The following PYROXD1 variants were observed in gnomAD, a reference collection of about 807,000 sequenced individuals.
PYROXD1 encodes the protein pyridine nucleotide-disulphide oxidoreductase domain 1.
A neutral mutation model predicts 62.0 loss-of-function variants in PYROXD1; 42 were observed. That is an observed-to-expected ratio of 0.68 (90% confidence interval 0.53 to 0.88). The LOEUF is 0.88. Ranked by LOEUF, PYROXD1 falls within the 40% of genes least tolerant of loss-of-function variation. PYROXD1 has a pLI of 0.00. For missense variants in PYROXD1, 493 were observed against 604.8 expected, an observed-to-expected ratio of 0.82 and a Z score of 1.94; for synonymous variants, 170 against 206.4, an observed-to-expected ratio of 0.82 and a Z score of 1.51.
intron 7 of PYROXD1, among the ~76,000 whole-genome samples, chr12:21,460,460 G>A (rs1458888467): frequency 1.4e-5 from 2 of 147,140 alleles, no homozygotes; most frequent in Non-Finnish European, 3.0e-5. Context: ...GTCTCGCTCT[G>A]TCACCCAAGC....
chr12:21,438,539 G>A lies in PYROXD1; in HGVS notation c.84+725G>A, dbSNP rs367749384. On this transcript the variant is annotated intron_variant, in intron 1 of 11. Coordinates refer to ENST00000240651, the MANE Select transcript of PYROXD1 (RefSeq NM_024854.5). The stretch of plus-strand genomic sequence containing the variant: ...AACTAATTAATAAAGAATCCCATAT[G>A]TAAGTTTTCTATACTTCGAACTCCC... 14 of 152,284 alleles carry A rather than the reference G, an allele frequency of 9.2e-5. No individual in the cohort carries two copies. The East Asian group carries it at 1.9e-3, about 21-fold the overall frequency. The allele number at this position is 152,284 out of a possible 1,614,324, so 9.4% of individuals were successfully genotyped here. A position where few individuals can be genotyped will look rare whatever the true frequency, so the allele number is the denominator to read the frequency against.
chr12:21,469,217 C>T lies in PYROXD1; in HGVS notation c.*463C>T, dbSNP rs767888250. 1.6e-4 allele frequency: 26 copies of T among 157,710 alleles called. No homozygotes were observed. The highest frequency in any genetic ancestry group is 3.6e-4 in the Non-Finnish European group (26 of 71,812). 9.8% of individuals were successfully genotyped at this position (157,710 alleles called of 1,614,324 possible). A position where few individuals can be genotyped will look rare whatever the true frequency, so the allele number is the denominator to read the frequency against. ...TGCTAATATTTATATTGATGACTTA[C>T]TCCTTTTTTGTTGAATTGTACTTCT... On this transcript the variant is annotated 3_prime_UTR_variant, in exon 12 of 12. Coordinates refer to ENST00000240651, the MANE Select transcript of PYROXD1 (RefSeq NM_024854.5).
intron 5 of PYROXD1, among the ~76,000 whole-genome samples, chr12:21,453,751 C>CTTGTAATAACT (rs1217833037): frequency 6.6e-6 from 1 of 151,960 alleles, no homozygotes; most frequent in African/African-American, 2.4e-5. Flanking sequence ...CTTGTGGTTA[C>CTTGTAATAACT]TTGTAATAAC....
rs147724280 is a variant in PYROXD1 at position 21,468,330 on chromosome 12, T to C, written c.1255-176T>C. Among the ~76,000 whole-genome samples the C allele has an allele frequency of 3.4e-3, 520 of 152,228 alleles. 3 individuals carry two copies. Among genetic ancestry groups the C allele is most frequent in the African/African-American group, 0.012 (491 of 41,556 alleles). On this transcript the variant is annotated intron_variant, in intron 11 of 11. Transcript: ENST00000240651. The stretch of plus-strand genomic sequence containing the variant: ...GTAGAGTGTGTGATAGTGTCATCTG[T>C]AGAATTAACGCATGCTGTTGAAACA...
chr12:21,456,798 A>T (rs1942605401), intron 7 of PYROXD1: 1 of 424,068 alleles, frequency 2.4e-6, no homozygotes, highest in African/African-American at 2.1e-5. Context: ...TTCAAAAGTC[A>T]ATTCTCTCAA....
At chr12:21,458,671 C>T (rs117333556) in intron 7 of PYROXD1, among the ~76,000 whole-genome samples, 38 of 152,254 alleles carry the variant, frequency 2.5e-4, no homozygotes, top group Non-Finnish European at 4.7e-4. Context: ...ATTCTTGTGT[C>T]TCCGGGAATA....
At chr12:21,448,738 T>A (rs1942438530) in intron 3 of PYROXD1, among the ~76,000 whole-genome samples, 1 of 152,242 alleles carries the variant, frequency 6.6e-6, no homozygotes, top group Admixed American at 6.5e-5. Flanking sequence ...TGAGCATCTC[T>A]CATAGTAGCA....
chr12:21,456,962 A>G (rs185800792), intron 7 of PYROXD1: 37 of 434,602 alleles, frequency 8.5e-5, no homozygotes, highest in African/African-American at 7.4e-4. Context: ...TTCAAATTTT[A>G]TCATGAGATT....
chr12:21,462,705 C>T lies in PYROXD1; in HGVS notation c.994-35C>T, dbSNP rs527310966. ...AAATGGAAAAAGTCGTTTCATTTTT[C>T]TTAACACTTAACGCTTATGAGGAAT... On this transcript the variant is annotated intron_variant, in intron 9 of 11. Coordinates refer to ENST00000240651, the MANE Select transcript of PYROXD1 (RefSeq NM_024854.5). 6 of 1,600,832 alleles carry T rather than the reference C, an allele frequency of 3.7e-6. No individual in the cohort carries two copies. In the East Asian group the frequency reaches 1.4e-4, roughly 36 times the overall value.
Position 21,440,349 on chromosome 12 carries a change from C to T in PYROXD1, c.85-19C>T, listed in dbSNP as rs749208041. The T allele has an allele frequency of 2.2e-5, 32 of 1,477,712 alleles. No homozygotes were observed. Among genetic ancestry groups the T allele is most frequent in the Admixed American group, 3.8e-5 (2 of 52,794 alleles). 91.5% of individuals were successfully genotyped at this position (1,477,712 alleles called of 1,614,324 possible). ...AAAGTAATTTGTCCTAATTTTTTTT[C>T]TCTCTTTTTAAAAATAAGTTGGCTA... On this transcript the variant is annotated intron_variant, in intron 1 of 11. Transcript: ENST00000240651.
intron 2 of PYROXD1, among the ~76,000 whole-genome samples, chr12:21,441,700 T>C (rs371790826): frequency 1.3e-5 from 2 of 152,134 alleles, no homozygotes; most frequent in East Asian, 3.9e-4. Context: ...GTTTGTAACT[T>C]CTTGAAGTTC....
chr12:21,467,931 T>C (rs1591960940), intron 11 of PYROXD1, among the ~76,000 whole-genome samples: 1 of 151,978 alleles, frequency 6.6e-6, no homozygotes, highest in East Asian at 1.9e-4. Flanking sequence ...GGGAACTAAC[T>C]GCTGTTGTAC....
chr12:21,442,124 G>A lies in PYROXD1; in HGVS notation c.165+1676G>A, dbSNP rs573841366. ...TTCTTCTCCCACAAAGGAAGTTGTGGCTTAGGGGATCCCTGTTGGCACTGA... is the reference window on the plus strand; with the variant it reads ...TTCTTCTCCCACAAAGGAAGTTGTGACTTAGGGGATCCCTGTTGGCACTGA... On this transcript the variant is annotated intron_variant, in intron 2 of 11. Coordinates refer to ENST00000240651, the MANE Select transcript of PYROXD1 (RefSeq NM_024854.5). 7.9e-5 allele frequency among the ~76,000 whole-genome samples: 12 copies of A among 152,316 alleles called. 1 individual carries two copies. In the South Asian group the frequency reaches 2.5e-3, roughly 32 times the overall value.
At chr12:21,442,969 G>A (rs1247207651) in intron 2 of PYROXD1, among the ~76,000 whole-genome samples, 1 of 151,994 alleles carries the variant, frequency 6.6e-6, no homozygotes, top group Admixed American at 6.5e-5. Flanking sequence ...TTAATGGGCC[G>A]TTGAGCCCTC....
chr12:21,467,455 T>C (rs1455636181), intron 10 of PYROXD1, 26 bp from the exon 11 acceptor site: 2 of 1,572,980 alleles, frequency 1.3e-6, no homozygotes, highest in African/African-American at 2.7e-5. Context: ...AAAATGACAT[T>C]GTGTAACATT....
At position 21,445,436 on chromosome 12, in the gene PYROXD1, T is replaced by C; in HGVS notation, c.255T>C (p.Ser85=). 6.2e-7 allele frequency: 1 copy of C among 1,606,096 alleles called. No homozygotes were observed. The highest frequency in any genetic ancestry group is 1.7e-4 in the Middle Eastern group (1 of 6,010). ...KRFPNIKVIE[S]GVKQLKSEEH... ...TTCCCAACATTAAGGTTATAGAATC[T>C]GGCGTAAAGCAACTGAAGAGTGAAG... The change falls in exon 3 of 12, where the codon TCT becomes TCC. Residue 85 remains serine, a synonymous_variant. Transcript: ENST00000240651.
In PYROXD1 at chr12:21,462,804, T is replaced by A; in HGVS notation, c.1058T>A (p.Ile353Asn). 1.2e-6 allele frequency: 2 copies of A among 1,614,074 alleles called. No individual in the cohort carries two copies. Among genetic ancestry groups the A allele is most frequent in the Non-Finnish European group, 1.7e-6 (2 of 1,179,984 alleles). ...DDHMHTSLPD[I>N]YAAGDICTTS... is the part of the protein sequence containing the mutation. Reference sequence around the variant, plus strand: ...CATATGCACACATCCCTTCCTGATATCTATGCTGCCGGTGACATCTGTACT... The same window carrying A: ...CATATGCACACATCCCTTCCTGATAACTATGCTGCCGGTGACATCTGTACT... Residue 353 changes from isoleucine (I) to asparagine (N), a missense_variant, in exon 10 of 12, where the codon ATC becomes AAC. Transcript: ENST00000240651.
At chr12:21,459,244 C>T (rs1942651860) in intron 7 of PYROXD1, among the ~76,000 whole-genome samples, 1 of 151,992 alleles carries the variant, frequency 6.6e-6, no homozygotes, top group Non-Finnish European at 1.5e-5. Context: ...TCACTAGCAG[C>T]CAGTAATTTA....
Position 21,437,717 on chromosome 12 carries a change from G to A in PYROXD1, c.-14G>A, listed in dbSNP as rs200911035. On this transcript the variant is annotated 5_prime_UTR_variant, in exon 1 of 12. Transcript: ENST00000240651. ...CCGCCGCGATATTCAGTAAACCACT[G>A]GGAGTCCGGCAGCATGGAGGCAGCG... The A allele has an allele frequency of 2.1e-5, 33 of 1,609,308 alleles. No individual in the cohort carries two copies. The highest frequency in any genetic ancestry group is 2.4e-5 in the Non-Finnish European group (28 of 1,178,304).
Sources: gnomAD v4.1 joint callset for allele counts (sites outside exome capture counted in the v4.1 genomes callset) on GRCh38, gnomAD v4.1.1 for gene constraint, MANE v1.5 for transcripts, NCBI Gene and HGNC (gene_info 2026-07-23, HGNC 2026-07-21) for gene names.